CAMK1D: variants seen among roughly 807,000 people sequenced by gnomAD.
The protein encoded by CAMK1D is calcium/calmodulin-dependent protein kinase type 1D.
Under a neutral mutation model 47.7 loss-of-function variants are expected in CAMK1D, and 9 were observed. The ratio of observed to expected loss-of-function variants is 0.19; its 90% confidence interval spans 0.11 to 0.33. The LOEUF (loss-of-function observed/expected upper bound fraction) is 0.33, where lower values mean the gene tolerates loss of function less well. CAMK1D is among the 10% of genes least tolerant of loss of function. The probability of loss-of-function intolerance (pLI) is 1.00; values close to 1 mark genes in which losing one functional copy is unlikely to be tolerated. For missense variants in CAMK1D, 291 were observed against 488.7 expected (o/e 0.60, Z 3.81); for synonymous variants, 184 against 184.9 (o/e 0.99, Z 0.04).
chr10:12,537,097 T>C (rs1323297225), intron 1 of CAMK1D, among the ~76,000 whole-genome samples: 1 of 151,970 alleles, frequency 6.6e-6, no homozygotes. Flanking sequence ...TTTGAGATGG[T>C]GTCTCCCTCT....
chr10:12,409,857 C>T (rs937998075), intron 1 of CAMK1D, among the ~76,000 whole-genome samples: 1 of 152,218 alleles, frequency 6.6e-6, no homozygotes, highest in Non-Finnish European at 1.5e-5. Context: ...AGCGGTAGCT[C>T]CGCAGTACCT....
At chr10:12,541,842 TCTTC>T (rs150179810) in intron 1 of CAMK1D, among the ~76,000 whole-genome samples, 7,585 of 116,566 alleles carry the variant, frequency 0.065, 358 homozygotes, top group African/African-American at 0.14. Context: ...CTGTGTTTTA[TCTTC>T]CTTCCTTCCT....
intron 3 of CAMK1D, among the ~76,000 whole-genome samples, chr10:12,701,875 C>T (rs112199542): frequency 0.014 from 2,202 of 152,274 alleles, 41 homozygotes; most frequent in African/African-American, 0.05. Flanking sequence ...CCCAGCCATG[C>T]GTTTGGAGCC....
chr10:12,462,430 C>G (rs1319298480), intron 1 of CAMK1D, among the ~76,000 whole-genome samples: 1 of 151,068 alleles, frequency 6.6e-6, no homozygotes, highest in Non-Finnish European at 1.5e-5. Context: ...TCCCAAAGTG[C>G]TGGGATTATA....
At chr10:12,715,184 G>T (rs1277177685) in intron 3 of CAMK1D, among the ~76,000 whole-genome samples, 4 of 152,098 alleles carry the variant, frequency 2.6e-5, no homozygotes, top group Non-Finnish European at 5.9e-5. Context: ...CCACGTATGA[G>T]TCGTCACAGT....
chr10:12,628,369 A>G (rs1331617715), intron 2 of CAMK1D, among the ~76,000 whole-genome samples: 1 of 152,150 alleles, frequency 6.6e-6, no homozygotes, highest in Admixed American at 6.5e-5. Context: ...CCATTCTAGT[A>G]TGTACTAGTG....
At chr10:12,819,248 C>G (rs1014553775) in intron 8 of CAMK1D, among the ~76,000 whole-genome samples, 9 of 152,204 alleles carry the variant, frequency 5.9e-5, no homozygotes, top group Non-Finnish European at 1.3e-4. Context: ...AAGGCTTGCC[C>G]CAGGCCAGCG....
intron 2 of CAMK1D, among the ~76,000 whole-genome samples, chr10:12,580,223 C>T (rs1383659630): frequency 6.6e-6 from 1 of 151,960 alleles, no homozygotes; most frequent in East Asian, 1.9e-4. Flanking sequence ...CTTAAGGCTA[C>T]GATTTGCTCG....
At chr10:12,750,392 G>A (rs192122122) in intron 3 of CAMK1D, among the ~76,000 whole-genome samples, 4 of 152,300 alleles carry the variant, frequency 2.6e-5, no homozygotes, top group Admixed American at 6.5e-5. Flanking sequence ...ATTAAAATGC[G>A]CTGAAGGGTT....
chr10:12,737,413 C>T (rs1398480273), intron 3 of CAMK1D, among the ~76,000 whole-genome samples: 2 of 152,178 alleles, frequency 1.3e-5, no homozygotes, highest in Admixed American at 6.5e-5. Flanking sequence ...GAATGAACTT[C>T]CTAGTCAGGC....
chr10:12,696,157 C>T (rs1833287616), intron 3 of CAMK1D, among the ~76,000 whole-genome samples: 1 of 152,106 alleles, frequency 6.6e-6, no homozygotes, highest in Non-Finnish European at 1.5e-5. Flanking sequence ...ATACTTTTGT[C>T]TTGTAAGTAG....
chr10:12,385,353 T>A (rs1838461117), intron 1 of CAMK1D, among the ~76,000 whole-genome samples: 1 of 152,228 alleles, frequency 6.6e-6, no homozygotes. Context: ...ACTTAAATGT[T>A]TATCAGTGGA....
chr10:12,500,332 C>T (rs1395791840), intron 1 of CAMK1D, among the ~76,000 whole-genome samples: 3 of 152,156 alleles, frequency 2.0e-5, no homozygotes, highest in South Asian at 2.1e-4. Context: ...TTCTTTGTCT[C>T]CTGGGTCAGA....
intron 1 of CAMK1D, among the ~76,000 whole-genome samples, chr10:12,411,032 C>T (rs913052024): frequency 2.0e-5 from 3 of 152,148 alleles, no homozygotes; most frequent in Non-Finnish European, 4.4e-5. Flanking sequence ...TCCCACCTCA[C>T]GTGGAAATAG....
chr10:12,637,337 C>T (rs1309680045), intron 2 of CAMK1D, among the ~76,000 whole-genome samples: 1 of 152,192 alleles, frequency 6.6e-6, no homozygotes, highest in East Asian at 1.9e-4. Flanking sequence ...GTAGATACTT[C>T]TAGAACATTC....
chr10:12,607,072 C>T (rs1280431879), intron 2 of CAMK1D, among the ~76,000 whole-genome samples: 1 of 152,132 alleles, frequency 6.6e-6, no homozygotes, highest in Non-Finnish European at 1.5e-5. Flanking sequence ...GTGATCCACC[C>T]ACCTCGGCCT....
intron 1 of CAMK1D, among the ~76,000 whole-genome samples, chr10:12,472,415 C>T (rs1437741573): frequency 6.6e-6 from 1 of 152,166 alleles, no homozygotes; most frequent in Non-Finnish European, 1.5e-5. Context: ...CACATCCCTT[C>T]TCCCTCTATG....
chr10:12,801,057 C>T (rs762733102), intron 6 of CAMK1D, among the ~76,000 whole-genome samples: 13 of 152,168 alleles, frequency 8.5e-5, no homozygotes, highest in African/African-American at 1.9e-4. Context: ...CATTGCTCTT[C>T]CTGATGCTGT....
chr10:12,598,031 T>A (rs2132379933), intron 2 of CAMK1D, among the ~76,000 whole-genome samples: 1 of 152,354 alleles, frequency 6.6e-6, no homozygotes, highest in East Asian at 1.9e-4. Flanking sequence ...AGATGGACGA[T>A]GCCGTGAAAC....
Sources: allele counts gnomAD v4.1 joint callset (sites outside exome capture counted in the v4.1 genomes callset), GRCh38; gene constraint gnomAD v4.1.1; transcripts MANE v1.5; gene names NCBI Gene and HGNC (gene_info 2026-07-23, HGNC 2026-07-21).